The following CERS3 variants were observed in gnomAD, a reference collection of about 807,000 sequenced individuals.
The protein encoded by CERS3 is LAG1 homolog, ceramide synthase 3.
Under a neutral mutation model 50.3 loss-of-function variants are expected in CERS3, and 33 were observed. That is an observed-to-expected ratio of 0.66 (90% confidence interval 0.50 to 0.88). The LOEUF (loss-of-function observed/expected upper bound fraction) is 0.88. Among genes scored for constraint, CERS3 ranks in the 40% least tolerant of loss-of-function variants. The probability of loss-of-function intolerance (pLI) is 0.00; values close to 1 mark genes in which losing one functional copy is unlikely to be tolerated. For missense variants in CERS3, 470 were observed against 460.3 expected (o/e 1.02, Z -0.19); for synonymous variants, 176 against 155.2 (o/e 1.13, Z -0.99).
At chr15:100,432,767 G>C (rs531254798) in intron 11 of CERS3, among the ~76,000 whole-genome samples, 1 of 152,136 alleles carries the variant, frequency 6.6e-6, no homozygotes, top group Non-Finnish European at 1.5e-5. Context: ...AGTCACGTAC[G>C]TTCGAAAGAA....
At chr15:100,474,009 G>A (rs2035049263) in intron 8 of CERS3, among the ~76,000 whole-genome samples, 1 of 152,154 alleles carries the variant, frequency 6.6e-6, no homozygotes, top group Admixed American at 6.5e-5. Context: ...AAACATTACA[G>A]TAAGTGAAAC....
chr15:100,513,984 T>C (rs1322369511), intron 2 of CERS3, among the ~76,000 whole-genome samples: 1 of 152,130 alleles, frequency 6.6e-6, no homozygotes, highest in East Asian at 1.9e-4. Context: ...ATACAGTAAG[T>C]GTACAAATAG....
intron 10 of CERS3, among the ~76,000 whole-genome samples, chr15:100,457,996 A>T (rs1195639568): frequency 2.2e-5 from 3 of 138,570 alleles, no homozygotes; most frequent in African/African-American, 7.8e-5. Context: ...TCTAAACGTG[A>T]GATTACTGTT....
At chr15:100,526,057 C>A (rs1045700932) in intron 1 of CERS3, among the ~76,000 whole-genome samples, 3 of 152,208 alleles carry the variant, frequency 2.0e-5, no homozygotes, top group African/African-American at 4.8e-5. Context: ...TCTCTGTGTT[C>A]CCCTCTGCTA....
chr15:100,458,017 CATT>C, intron 10 of CERS3, among the ~76,000 whole-genome samples: 1 of 38,528 alleles, frequency 2.6e-5, no homozygotes, highest in Non-Finnish European at 7.8e-5. Flanking sequence ...TTAAGGTGTA[CATT>C]AAAGATATTA....
At chr15:100,416,798 T>G (rs958796177) in intron 11 of CERS3, among the ~76,000 whole-genome samples, 1 of 152,090 alleles carries the variant, frequency 6.6e-6, no homozygotes, top group African/African-American at 2.4e-5. Flanking sequence ...GAGATGAGAT[T>G]TGAGTGAAGA....
At position 100,420,732 on chromosome 15, in the gene CERS3, C is replaced by T. The variant is rs1269118381; in HGVS notation, c.1000-17867G>A. On this transcript the variant is annotated intron_variant, in intron 11 of 11. Transcript: ENST00000679737. ...AGCAGCACATCAAAAAGCTTATCCA[C>T]CATGATCAAGTGGGCTTCATCTCTG... Among the ~76,000 whole-genome samples, 3 of 151,614 alleles carry T rather than the reference C, an allele frequency of 2.0e-5. No homozygotes were observed. The South Asian group carries it at 6.3e-4, about 32-fold the overall frequency.
At chr15:100,413,718 T>C (rs1166119934) in intron 11 of CERS3, among the ~76,000 whole-genome samples, 4 of 145,932 alleles carry the variant, frequency 2.7e-5, no homozygotes, top group Non-Finnish European at 6.0e-5. Flanking sequence ...GTTAGAAAAA[T>C]AGGTTGGCAG....
chr15:100,417,418 C>T (rs1466970167), intron 11 of CERS3, among the ~76,000 whole-genome samples: 1 of 152,114 alleles, frequency 6.6e-6, no homozygotes, highest in Non-Finnish European at 1.5e-5. Context: ...CCACACCTGG[C>T]TCTGAGGGTC....
chr15:100,450,729 T>C (rs541449118), intron 11 of CERS3, among the ~76,000 whole-genome samples: 1 of 152,316 alleles, frequency 6.6e-6, no homozygotes, highest in Non-Finnish European at 1.5e-5. Flanking sequence ...TAGACATGAT[T>C]CTTAAAGGTC....
intron 1 of CERS3, among the ~76,000 whole-genome samples, chr15:100,525,901 C>G (rs2036774214): frequency 6.6e-6 from 1 of 152,146 alleles, no homozygotes; most frequent in Non-Finnish European, 1.5e-5. Context: ...AGTGTTGGCA[C>G]AAGGATTTTT....
At chr15:100,487,372 A>T (rs1213480467) in intron 4 of CERS3, among the ~76,000 whole-genome samples, 1 of 152,234 alleles carries the variant, frequency 6.6e-6, no homozygotes, top group East Asian at 1.9e-4. Flanking sequence ...TATTAACTCA[A>T]TTTGATCCTC....
At chr15:100,511,267 T>C (rs185330312) in intron 2 of CERS3, among the ~76,000 whole-genome samples, 100 of 152,178 alleles carry the variant, frequency 6.6e-4, no homozygotes, top group Non-Finnish European at 1.1e-3. Flanking sequence ...CCAGGCTGCG[T>C]GACAGAGCAA....
At chr15:100,470,595 T>C (rs940283082) in intron 9 of CERS3, among the ~76,000 whole-genome samples, 2 of 152,130 alleles carry the variant, frequency 1.3e-5, no homozygotes, top group Non-Finnish European at 2.9e-5. Context: ...TGCACAGGCA[T>C]GGGAGAGGAT....
intron 5 of CERS3, among the ~76,000 whole-genome samples, chr15:100,483,615 A>C (rs2035382081): frequency 6.6e-6 from 1 of 151,806 alleles, no homozygotes; most frequent in Admixed American, 6.6e-5. Flanking sequence ...ACAACAAGAA[A>C]TAGTATCGGA....
chr15:100,414,388 A>G lies in CERS3; in HGVS notation c.1000-11523T>C, dbSNP rs555725103. 9.8e-5 allele frequency among the ~76,000 whole-genome samples: 15 copies of G among 152,348 alleles called. No homozygotes were observed. The South Asian group carries it at 1.9e-3, about 19-fold the overall frequency. ...TTACAGATTCAATGCTATTCCCATT[A>G]AACTACCATTGACATTCTTCACAGA... is the stretch of plus-strand genomic sequence containing the variant. On this transcript the variant is annotated intron_variant, in intron 11 of 11. Coordinates refer to ENST00000679737, the MANE Select transcript of CERS3 (RefSeq NM_001378789.1).
At chr15:100,486,325 G>T (rs2035481447) in intron 4 of CERS3, among the ~76,000 whole-genome samples, 1 of 152,212 alleles carries the variant, frequency 6.6e-6, no homozygotes, top group Non-Finnish European at 1.5e-5. Flanking sequence ...GGAAGGGCAG[G>T]AAGCTGAAAA....
chr15:100,486,519 A>T (rs2035490094), intron 4 of CERS3, among the ~76,000 whole-genome samples: 1 of 152,234 alleles, frequency 6.6e-6, no homozygotes, highest in South Asian at 2.1e-4. Flanking sequence ...GATTTTGATG[A>T]CCAAACACAG....
chr15:100,441,939 T>C (rs1163765145), intron 11 of CERS3, among the ~76,000 whole-genome samples: 1 of 151,850 alleles, frequency 6.6e-6, no homozygotes, highest in Admixed American at 6.6e-5. Flanking sequence ...ACCTCTCCCC[T>C]CCTCACCAGG....
Sources: gnomAD v4.1 joint callset for allele counts (sites outside exome capture counted in the v4.1 genomes callset) on GRCh38, gnomAD v4.1.1 for gene constraint, MANE v1.5 for transcripts, NCBI Gene and HGNC (gene_info 2026-07-23, HGNC 2026-07-21) for gene names.